TF: variants seen among roughly 807,000 people sequenced by gnomAD.
TF encodes serotransferrin.
In TF, 55 loss-of-function variants were observed where a neutral mutation model predicts 82.4. The observed-to-expected ratio is 0.67, with a 90% CI of 0.54 to 0.84. TF has a LOEUF of 0.84. Ranked by LOEUF, TF falls within the 40% of genes least tolerant of loss-of-function variation. The probability of loss-of-function intolerance (pLI) is 0.00; values close to 1 mark genes in which losing one functional copy is unlikely to be tolerated. For synonymous variants in TF, 332 were observed against 332.6 expected (o/e 1.00, Z 0.02); for missense variants, 737 against 868.4 (o/e 0.85, Z 1.90).
chr3:133,672,028 C>A, the TF span, among the ~76,000 whole-genome samples: 2 of 151,934 alleles, frequency 1.3e-5, no homozygotes, highest in South Asian at 4.1e-4. Flanking sequence ...TCACTAATAT[C>A]AGCAATGAAA....
rs1576369745 is a variant in TF, at chr3:133,778,373, T to C, written c.2063-213T>C. On this transcript the variant is annotated intron_variant, in intron 16 of 16. Coordinates refer to ENST00000402696, the MANE Select transcript of TF (RefSeq NM_001063.4). ...AGGACCCTGTAGGGCAGGAAAATCA[T>C]GTTAACAGCTTTGGCGTGGGGCACT... The C allele has an allele frequency of 8.4e-6, 4 of 477,936 alleles. No homozygotes were observed. In the East Asian group the frequency reaches 1.8e-4, roughly 21 times the overall value. 29.6% of individuals were successfully genotyped at this position (477,936 alleles called of 1,614,324 possible).
Position 133,784,479 on chromosome 3 carries a change from ATAATAAT to A in TF, c.*5860_*5866del, listed in dbSNP as rs1559882863. ...ATTCCCATTTGTTAAAAAAATAATA[ATAATAAT>A]AATAATAATAATAATAATAATAGGA... On this transcript the variant is annotated 3_prime_UTR_variant, in exon 17 of 17. Transcript: ENST00000402696. 2.2e-5 allele frequency: 3 copies of A among 137,138 alleles called. No individual in the cohort carries two copies. Among genetic ancestry groups the A allele is most frequent in the African/African-American group, 9.1e-5 (3 of 32,804 alleles). The allele number at this position is 137,138 out of a possible 1,614,324, so 8.5% of individuals were successfully genotyped here. A position where few individuals can be genotyped will look rare whatever the true frequency, so the allele number is the denominator to read the frequency against.
chr3:133,779,018 G>T lies in TF; in HGVS notation c.*398G>T. The T allele has an allele frequency of 4.1e-6, 1 of 245,094 alleles. No individual in the cohort carries two copies. Among genetic ancestry groups the T allele is most frequent in the East Asian group, 1.0e-4 (1 of 9,714 alleles). The allele number at this position is 245,094 out of a possible 1,614,324, so 15.2% of individuals were successfully genotyped here. On this transcript the variant is annotated 3_prime_UTR_variant, in exon 17 of 17. Coordinates refer to ENST00000402696, the MANE Select transcript of TF (RefSeq NM_001063.4). ...TATAATCAAATGTATACTGGTGTGT[G>T]TGTGCACGTGCGCGTGCGTGTGTCA...
chr3:133,731,369 TG>T, the TF span, among the ~76,000 whole-genome samples: 1 of 152,296 alleles, frequency 6.6e-6, no homozygotes, highest in Non-Finnish European at 1.5e-5. Context: ...TACAGGACAG[TG>T]GGGACAGCTC....
At position 133,793,399 on chromosome 3, in the gene TF, C is replaced by T. The variant is rs1029371718; in HGVS notation, c.*14779C>T. The stretch of plus-strand genomic sequence containing the variant: ...CAGCTTCAAAATTGTCTTTTCTAAC[C>T]TCTAACTTTGAGATGCTGCAGAGGG... On this transcript the variant is annotated 3_prime_UTR_variant, in exon 17 of 17. Transcript: ENST00000402696. 6 of 152,026 alleles carry T rather than the reference C, an allele frequency of 3.9e-5. No homozygotes were observed. Among genetic ancestry groups the T allele is most frequent in the Non-Finnish European group, 7.4e-5 (5 of 67,982 alleles). The allele number at this position is 152,026 out of a possible 1,614,324, so 9.4% of individuals were successfully genotyped here.
At chr3:133,690,693 A>G in the TF span, among the ~76,000 whole-genome samples, 3 of 152,212 alleles carry the variant, frequency 2.0e-5, no homozygotes, top group Admixed American at 6.5e-5. Context: ...AGCAGTCTCT[A>G]TAAGACTGTT....
At chr3:133,762,203 A>G (rs1200094401) in intron 9 of TF, 1 of 213,900 alleles carries the variant, frequency 4.7e-6, no homozygotes, top group Admixed American at 4.2e-5. Flanking sequence ...AGAATCTCCC[A>G]GTAATAGATG....
rs1390142442 is a variant in TF at position 133,756,973 on chromosome 3, G to C, written c.834G>C (p.Lys278Asn). The C allele has an allele frequency of 2.5e-6, 4 of 1,614,032 alleles. No homozygotes were observed. The South Asian group carries it at 4.4e-5, about 18-fold the overall frequency. ...TCGTGGCCCGAAGTATGGGCGGCAA[G>C]GAGGACTTGATCTGGGAGCTTCTCA... ...HTVVARSMGGKEDLIWELLNQ... is the reference protein window; with the variant it reads ...HTVVARSMGGNEDLIWELLNQ... Residue 278 changes from lysine (K) to asparagine (N), a missense_variant, in exon 7 of 17, where the codon AAG becomes AAC. Transcript: ENST00000402696.
chr3:133,703,973 C>T, the TF span, among the ~76,000 whole-genome samples: 14 of 152,188 alleles, frequency 9.2e-5, no homozygotes, highest in Admixed American at 2.6e-4. Context: ...ATATCCAGGA[C>T]GCAGCATGGG....
the TF span, among the ~76,000 whole-genome samples, chr3:133,703,887 A>G: frequency 2.0e-5 from 3 of 152,304 alleles, no homozygotes; most frequent in Non-Finnish European, 2.9e-5. Flanking sequence ...GAAACAGGTT[A>G]AATGCATTTC....
the TF span, among the ~76,000 whole-genome samples, chr3:133,671,492 A>G: frequency 2.0e-5 from 3 of 152,152 alleles, no homozygotes; most frequent in African/African-American, 7.2e-5. Flanking sequence ...AGAAAAAAAA[A>G]GGCAAGAGAG....
chr3:133,675,375 G>A, the TF span, among the ~76,000 whole-genome samples: 16 of 152,044 alleles, frequency 1.1e-4, no homozygotes, highest in Non-Finnish European at 2.4e-4. Flanking sequence ...ATGATCATTC[G>A]GTTAAATATT....
At chr3:133,719,853 C>CT in the TF span, among the ~76,000 whole-genome samples, 2 of 152,038 alleles carry the variant, frequency 1.3e-5, no homozygotes, top group East Asian at 1.9e-4. Context: ...TCCTAGTTAT[C>CT]TTTTTTGGTA....
chr3:133,748,973 A>G (rs1054738187), intron 2 of TF, among the ~76,000 whole-genome samples: 1 of 152,034 alleles, frequency 6.6e-6, no homozygotes, highest in Non-Finnish European at 1.5e-5. Flanking sequence ...CAGCCTGGCC[A>G]ACATGGCGAA....
chr3:133,726,641 T>C, the TF span, among the ~76,000 whole-genome samples: 1 of 151,036 alleles, frequency 6.6e-6, no homozygotes, highest in South Asian at 2.1e-4. Context: ...GAAGGGTTTT[T>C]TGTGTCTCTA....
intron 2 of TF, among the ~76,000 whole-genome samples, chr3:133,751,838 T>A (rs904077365): frequency 5.3e-5 from 8 of 151,354 alleles, no homozygotes; most frequent in African/African-American, 1.9e-4. Flanking sequence ...CTAAAAAAAA[T>A]ACAAAAATTA....
the TF span, among the ~76,000 whole-genome samples, chr3:133,673,378 GT>G: frequency 6.6e-6 from 1 of 152,076 alleles, no homozygotes; most frequent in Non-Finnish European, 1.5e-5. Context: ...AAAACCAATT[GT>G]TTTTTTCAGA....
intron 5 of TF, 148 bp downstream of exon 5, chr3:133,755,643 T>TGGG: frequency 8.9e-7 from 1 of 1,117,714 alleles, no homozygotes; most frequent in East Asian, 2.5e-5. Flanking sequence ...AAGCACAACC[T>TGGG]GGGACTCCTA....
At chr3:133,757,140 C>T in intron 7 of TF, 131 bp downstream of exon 7, 1 of 1,225,592 alleles carries the variant, frequency 8.2e-7, no homozygotes, top group Non-Finnish European at 1.2e-6. Flanking sequence ...CCACATGTCA[C>T]TAAGTTCTCT....
Sources: allele counts gnomAD v4.1 joint callset (sites outside exome capture counted in the v4.1 genomes callset), GRCh38; gene constraint gnomAD v4.1.1; transcripts MANE v1.5; gene names NCBI Gene and HGNC (gene_info 2026-07-23, HGNC 2026-07-21).